The following EFCAB8 variants were observed in gnomAD, a reference collection of about 807,000 sequenced individuals.
EFCAB8 encodes the protein EF-hand calcium binding domain 8.
EFCAB8 carries 100 observed loss-of-function variants against 116.3 expected under a neutral mutation model. The ratio of observed to expected loss-of-function variants is 0.86; its 90% CI spans 0.73 to 1.02. EFCAB8 has a LOEUF of 1.02. Among genes scored for constraint, EFCAB8 ranks in the 50% least tolerant of loss-of-function variants. EFCAB8 has a pLI of 0.00. For synonymous variants in EFCAB8, 558 were observed against 567.9 expected (o/e 0.98, Z 0.25); for missense variants, 1,320 against 1,416.9 (o/e 0.93, Z 1.10).
At chr20:32,906,689 A>T (rs1331872055) in intron 12 of EFCAB8, 60 bp downstream of exon 12, 4 of 717,198 alleles carry the variant, frequency 5.6e-6, no homozygotes, top group South Asian at 1.5e-5. Context: ...GGATGGGGGG[A>T]CCACCAGAGC....
intron 3 of EFCAB8, among the ~76,000 whole-genome samples, chr20:32,869,692 C>A (rs1568898140): frequency 6.6e-6 from 1 of 152,174 alleles, no homozygotes; most frequent in Non-Finnish European, 1.5e-5. Flanking sequence ...CCAGGAGGCA[C>A]ACAGTATGGG....
intron 22 of EFCAB8, among the ~76,000 whole-genome samples, chr20:32,935,193 T>A: frequency 2.7e-5 from 2 of 74,720 alleles, no homozygotes; most frequent in East Asian, 5.8e-4. Flanking sequence ...TCTTTCTTTC[T>A]TTTTTTTTTT....
chr20:32,945,181 C>T (rs1988548817), intron 23 of EFCAB8, among the ~76,000 whole-genome samples: 1 of 151,878 alleles, frequency 6.6e-6, no homozygotes, highest in Admixed American at 6.6e-5. Context: ...TTTTTTGAGA[C>T]AGGGTCTTGC....
Position 32,867,912 on chromosome 20 carries a change from C to T in EFCAB8, c.208+165C>T, listed in dbSNP as rs139546264. On this transcript the variant is annotated intron_variant, in intron 3 of 26. Coordinates refer to ENST00000400522, the MANE Select transcript of EFCAB8 (RefSeq NM_001143967.2). ...CTGGAGTGCAGTGGTGTGATCACCA[C>T]GGCAGCCTCAACCTCCCATGCTCAA... Among the ~76,000 whole-genome samples, 155 of 152,102 alleles carry T rather than the reference C, an allele frequency of 1.0e-3. 1 individual carries two copies. Among genetic ancestry groups the T allele is most frequent in the Middle Eastern group, 3.4e-3 (1 of 294 alleles).
intron 2 of EFCAB8, among the ~76,000 whole-genome samples, chr20:32,864,925 T>C (rs1242395488): frequency 1.3e-5 from 2 of 152,232 alleles, no homozygotes; most frequent in African/African-American, 4.8e-5. Context: ...CAGGTGTCAT[T>C]TAGGTCTCAA....
chr20:32,956,376 G>A (rs566919626), intron 23 of EFCAB8, among the ~76,000 whole-genome samples: 26 of 152,010 alleles, frequency 1.7e-4, no homozygotes, highest in African/African-American at 6.3e-4. Context: ...CTAGGATTCT[G>A]TCTGCAGTTG....
intron 22 of EFCAB8, among the ~76,000 whole-genome samples, chr20:32,939,125 C>CTCTT (rs56136077): frequency 0.013 from 715 of 56,408 alleles, 22 homozygotes; most frequent in East Asian, 0.052. Context: ...CTCTTTCTTT[C>CTCTT]TCTTTCTTTC....
intron 20 of EFCAB8, among the ~76,000 whole-genome samples, chr20:32,923,217 G>A (rs1253745656): frequency 6.6e-6 from 1 of 151,376 alleles, no homozygotes; most frequent in African/African-American, 2.4e-5. Flanking sequence ...CCAGTGCGAT[G>A]GCTCACACCT....
chr20:32,912,729 A>G (rs1273159102), intron 16 of EFCAB8, 65 bp from the exon 17 acceptor site: 1 of 714,764 alleles, frequency 1.4e-6, no homozygotes, highest in African/African-American at 1.8e-5. Context: ...TTAGGAAGAC[A>G]TTTAGGGCCC....
intron 20 of EFCAB8, among the ~76,000 whole-genome samples, chr20:32,923,010 C>T (rs953992891): frequency 2.0e-5 from 3 of 152,092 alleles, no homozygotes; most frequent in Admixed American, 2.0e-4. Flanking sequence ...ATGATGAGAC[C>T]TCATCTCTAC....
At chr20:32,889,046 T>C (rs1985777591) in intron 6 of EFCAB8, among the ~76,000 whole-genome samples, 1 of 152,096 alleles carries the variant, frequency 6.6e-6, no homozygotes, top group South Asian at 2.1e-4. Flanking sequence ...AAGACTTTGA[T>C]AGAACTGTGA....
chr20:32,931,115 C>G, intron 21 of EFCAB8, 63 bp from the exon 22 acceptor site: 1 of 1,386,256 alleles, frequency 7.2e-7, no homozygotes, highest in East Asian at 2.5e-5. Flanking sequence ...GGGAGGAGCC[C>G]GCAGAGTGAG....
At chr20:32,948,573 AAAGAAAGAAAAG>A (rs1274772534) in intron 23 of EFCAB8, among the ~76,000 whole-genome samples, 2 of 146,124 alleles carry the variant, frequency 1.4e-5, no homozygotes, top group Non-Finnish European at 3.0e-5. Context: ...AGAAAGAAAG[AAAGAAAGAAAAG>A]AAAGGAAAAG....
chr20:32,926,014 T>G (rs1261296190), intron 20 of EFCAB8, among the ~76,000 whole-genome samples: 1 of 152,238 alleles, frequency 6.6e-6, no homozygotes, highest in African/African-American at 2.4e-5. Flanking sequence ...CTGACTGTGC[T>G]TTTCTCACTG....
At chr20:32,897,380 A>G (rs1160785011) in intron 10 of EFCAB8, among the ~76,000 whole-genome samples, 1 of 151,696 alleles carries the variant, frequency 6.6e-6, no homozygotes, top group Non-Finnish European at 1.5e-5. Flanking sequence ...TTGCTGCACA[A>G]ATGAATGAAT....
At chr20:32,913,585 C>G (rs551450307) in intron 17 of EFCAB8, among the ~76,000 whole-genome samples, 6 of 152,258 alleles carry the variant, frequency 3.9e-5, no homozygotes, top group African/African-American at 1.4e-4. Flanking sequence ...TAACTTGTTC[C>G]AGTATCAACT....
intron 11 of EFCAB8, among the ~76,000 whole-genome samples, chr20:32,904,968 G>A (rs923160990): frequency 6.6e-6 from 1 of 152,158 alleles, no homozygotes; most frequent in Non-Finnish European, 1.5e-5. Context: ...AGCTGGCGGG[G>A]CAGGATGTTG....
At chr20:32,898,107 G>C (rs1986250367) in intron 10 of EFCAB8, among the ~76,000 whole-genome samples, 1 of 152,238 alleles carries the variant, frequency 6.6e-6, no homozygotes, top group Admixed American at 6.5e-5. Context: ...GAGGGTGGCA[G>C]TGGGCTGGGA....
chr20:32,894,172 C>T (rs1303767554), intron 9 of EFCAB8, among the ~76,000 whole-genome samples: 2 of 152,208 alleles, frequency 1.3e-5, no homozygotes, highest in Non-Finnish European at 2.9e-5. Flanking sequence ...TGCCTCACAT[C>T]CACCAGGAGG....
Sources: gnomAD v4.1 joint callset for allele counts (sites outside exome capture counted in the v4.1 genomes callset) on GRCh38, gnomAD v4.1.1 for gene constraint, MANE v1.5 for transcripts, NCBI Gene and HGNC (gene_info 2026-07-23, HGNC 2026-07-21) for gene names.